Variants in SAMD4A observed in about 807,000 individuals in gnomAD.
The protein encoded by SAMD4A is protein Smaug homolog 1.
In SAMD4A, 33 loss-of-function variants were observed where a neutral mutation model predicts 81.3. That is an observed-to-expected ratio of 0.41 (90% confidence interval 0.31 to 0.54). The LOEUF is 0.54. Ranked by LOEUF, SAMD4A falls within the 20% of genes least tolerant of loss-of-function variation. The pLI, the probability that SAMD4A is intolerant of heterozygous loss-of-function variation, is 0.37. For synonymous variants in SAMD4A, 389 were observed against 382.1 expected (o/e 1.02, Z -0.21); for missense variants, 854 against 951.1 (o/e 0.90, Z 1.34).
At chr14:54,674,169 G>A (rs1369112233) in intron 2 of SAMD4A, among the ~76,000 whole-genome samples, 1 of 152,160 alleles carries the variant, frequency 6.6e-6, no homozygotes, top group Non-Finnish European at 1.5e-5. Context: ...GGAGGCCTAG[G>A]TCCCTGCAGA....
chr14:54,765,724 G>A (rs879700770), intron 8 of SAMD4A, among the ~76,000 whole-genome samples: 5 of 152,230 alleles, frequency 3.3e-5, no homozygotes, highest in African/African-American at 7.2e-5. Flanking sequence ...GAAGGGAGAC[G>A]CCCAGCACAG....
chr14:54,684,640 C>T (rs2036214065), intron 2 of SAMD4A, among the ~76,000 whole-genome samples: 1 of 127,746 alleles, frequency 7.8e-6, no homozygotes, highest in Non-Finnish European at 1.6e-5. Flanking sequence ...AAACGGGAAA[C>T]CTATGGAAAG....
chr14:54,689,907 T>C (rs1170665726), intron 2 of SAMD4A: 1 of 152,290 alleles, frequency 6.6e-6, no homozygotes, highest in Non-Finnish European at 1.5e-5. Flanking sequence ...GCCCTCCCCT[T>C]CTGCTGGAGC....
chr14:54,774,658 A>AAAAAAAAAAC (rs60736832), intron 9 of SAMD4A, among the ~76,000 whole-genome samples: 5,645 of 151,256 alleles, frequency 0.037, 200 homozygotes, highest in African/African-American at 0.086. Flanking sequence ...CTACCAAAAA[A>AAAAAAAAAAC]AAAAAGTTAG....
intron 2 of SAMD4A, among the ~76,000 whole-genome samples, chr14:54,600,427 C>G (rs1378444609): frequency 6.6e-6 from 1 of 152,152 alleles, no homozygotes; most frequent in Non-Finnish European, 1.5e-5. Context: ...TCCAGTGCTT[C>G]CATTGACCCA....
rs112299860 is a variant in SAMD4A at position 54,676,543 on chromosome 14, A to AT, written c.197-25506dup. On this transcript the variant is annotated intron_variant, in intron 2 of 12. Coordinates refer to ENST00000554335, the MANE Select transcript of SAMD4A (RefSeq NM_015589.6). ...AGGCACGAGCCACCACACCCAGCTA[A>AT]TTTTTTTTTTTTTATTTCTAGTAAA... Among the ~76,000 whole-genome samples the AT allele has an allele frequency of 2.5e-3, 377 of 147,912 alleles. 3 individuals are homozygous for AT. Among genetic ancestry groups the AT allele is most frequent in the African/African-American group, 6.6e-3 (268 of 40,540 alleles).
At position 54,613,153 on chromosome 14, in the gene SAMD4A, G is replaced by A. The variant is rs190480022; in HGVS notation, c.196+45041G>A. The stretch of plus-strand genomic sequence containing the variant: ...GAGAGAGAGAAAGGAAGGAAGGAAG[G>A]AAGGAAGAGGGAAAGGGAAAAGGAA... On this transcript the variant is annotated intron_variant, in intron 2 of 12. Coordinates refer to ENST00000554335, the MANE Select transcript of SAMD4A (RefSeq NM_015589.6). 1.1e-3 allele frequency among the ~76,000 whole-genome samples: 172 copies of A among 150,636 alleles called. 1 individual carries two copies. Among genetic ancestry groups the A allele is most frequent in the Non-Finnish European group, 1.8e-3 (119 of 67,550 alleles).
chr14:54,784,814 C>A (rs1227204624), intron 12 of SAMD4A, among the ~76,000 whole-genome samples, 194 bp downstream of exon 12: 1 of 152,144 alleles, frequency 6.6e-6, no homozygotes, highest in Non-Finnish European at 1.5e-5. Flanking sequence ...TGCCAAGTGG[C>A]CAGTGCCCTG....
chr14:54,660,414 A>G (rs1476833286), intron 2 of SAMD4A, among the ~76,000 whole-genome samples: 2 of 152,168 alleles, frequency 1.3e-5, no homozygotes, highest in Non-Finnish European at 2.9e-5. Flanking sequence ...CCCAGCATAA[A>G]GTTTTGTCAC....
At chr14:54,675,031 G>C (rs1049282993) in intron 2 of SAMD4A, among the ~76,000 whole-genome samples, 1 of 152,154 alleles carries the variant, frequency 6.6e-6, no homozygotes, top group Non-Finnish European at 1.5e-5. Context: ...GGGATTACAG[G>C]TGTGAGCCAC....
chr14:54,730,178 T>G (rs748362343), intron 3 of SAMD4A, among the ~76,000 whole-genome samples: 1 of 152,244 alleles, frequency 6.6e-6, no homozygotes, highest in Non-Finnish European at 1.5e-5. Context: ...TAGTAAGAGC[T>G]GACACCAGTG....
At chr14:54,626,866 T>TA (rs2034776006) in intron 2 of SAMD4A, among the ~76,000 whole-genome samples, 1 of 152,186 alleles carries the variant, frequency 6.6e-6, no homozygotes, top group Admixed American at 6.5e-5. Context: ...CAGGCATTAT[T>TA]ATACCCATTT....
intron 11 of SAMD4A, among the ~76,000 whole-genome samples, chr14:54,779,677 G>A (rs910473385): frequency 3.1e-5 from 4 of 130,486 alleles, no homozygotes; most frequent in East Asian, 2.5e-4. Context: ...ACATGGACAA[G>A]CTTTTTTTTT....
intron 3 of SAMD4A, among the ~76,000 whole-genome samples, chr14:54,735,345 C>T (rs762260517): frequency 5.3e-5 from 8 of 152,064 alleles, no homozygotes; most frequent in Non-Finnish European, 1.0e-4. Flanking sequence ...CAATGCAAGC[C>T]ATTTAAGCCT....
chr14:54,676,563 A>G (rs1301695132), intron 2 of SAMD4A, among the ~76,000 whole-genome samples: 2 of 151,432 alleles, frequency 1.3e-5, no homozygotes, highest in Non-Finnish European at 2.9e-5. Flanking sequence ...TTTTATTTCT[A>G]GTAAAGACAG....
At chr14:54,770,324 G>A (rs1421562352) in intron 9 of SAMD4A, 102 bp downstream of exon 9, 9 of 782,004 alleles carry the variant, frequency 1.2e-5, no homozygotes, top group African/African-American at 1.7e-5. Context: ...ACCATTCCTT[G>A]TTCACGAAGA....
intron 2 of SAMD4A, among the ~76,000 whole-genome samples, chr14:54,646,636 G>C (rs1006537305): frequency 6.6e-6 from 1 of 152,232 alleles, no homozygotes; most frequent in Non-Finnish European, 1.5e-5. Flanking sequence ...CTGAATTTCA[G>C]CTACTGGAGG....
chr14:54,766,974 G>A (rs4898852), intron 8 of SAMD4A, among the ~76,000 whole-genome samples: 151,479 of 152,226 alleles, frequency 1, 75,373 homozygotes, highest in Middle Eastern at 1. Flanking sequence ...TGCAGCCCCA[G>A]GTGATCTCCT....
chr14:54,788,816 C>T, intron 12 of SAMD4A, 100 bp from the exon 13 acceptor site: 2 of 1,445,744 alleles, frequency 1.4e-6, no homozygotes, highest in East Asian at 2.3e-5. Context: ...TCTCTGCCCT[C>T]AGAGGCTGGG....
Sources: allele counts gnomAD v4.1 joint callset (sites outside exome capture counted in the v4.1 genomes callset), GRCh38; gene constraint gnomAD v4.1.1; transcripts MANE v1.5; gene names NCBI Gene and HGNC (gene_info 2026-07-23, HGNC 2026-07-21).